The following LHPP variants were observed in gnomAD, a reference collection of about 807,000 sequenced individuals.
LHPP encodes phospholysine phosphohistidine inorganic pyrophosphate phosphatase, also known as hLHPP.
LHPP carries 24 observed loss-of-function variants against 30.3 expected under a neutral mutation model. The ratio of observed to expected loss-of-function variants is 0.79; its 90% confidence interval spans 0.57 to 1.11. LHPP has a LOEUF of 1.11. Among genes scored for constraint, LHPP ranks in the 50% most tolerant of loss-of-function variants. The probability of loss-of-function intolerance (pLI) is 0.00; values close to 1 mark genes in which losing one functional copy is unlikely to be tolerated. For synonymous variants in LHPP, 150 were observed against 157.1 expected (o/e 0.95, Z 0.34); for missense variants, 356 against 367.2 (o/e 0.97, Z 0.25).
intron 6 of LHPP, among the ~76,000 whole-genome samples, chr10:124,537,568 C>A (rs1034152053): frequency 6.6e-6 from 1 of 152,246 alleles, no homozygotes; most frequent in African/African-American, 2.4e-5. Flanking sequence ...CAAAGCCCTT[C>A]CCCAGTCCCA....
At chr10:124,530,104 G>T (rs1954855628) in intron 6 of LHPP, among the ~76,000 whole-genome samples, 1 of 152,150 alleles carries the variant, frequency 6.6e-6, no homozygotes, top group Non-Finnish European at 1.5e-5. Context: ...GGAGGAACCT[G>T]GTGAAGCCAG....
At chr10:124,520,929 T>C (rs1386360393) in intron 6 of LHPP, among the ~76,000 whole-genome samples, 1 of 152,248 alleles carries the variant, frequency 6.6e-6, no homozygotes, top group Non-Finnish European at 1.5e-5. Flanking sequence ...GGCTGCATGT[T>C]GAAATGCTGA....
intron 5 of LHPP, among the ~76,000 whole-genome samples, chr10:124,500,635 G>A (rs1388342487): frequency 6.6e-6 from 1 of 151,428 alleles, no homozygotes; most frequent in Non-Finnish European, 1.5e-5. Context: ...TGGCCAACAG[G>A]CATACAAAAA....
chr10:124,593,703 G>A lies in LHPP; in HGVS notation c.717-19561G>A, dbSNP rs1176048352. On this transcript the variant is annotated intron_variant, in intron 6 of 6. Coordinates refer to ENST00000368842, the MANE Select transcript of LHPP (RefSeq NM_022126.4). The surrounding 1 kb of genome is among the most constrained non-coding windows in gnomAD (Gnocchi z 4.9). ...CGACGTCCCCAGTGGCGGTGGCTGA[G>A]GAGAGGGGTTGGGGCGAGGACCAGC... is the stretch of plus-strand genomic sequence containing the variant. Among the ~76,000 whole-genome samples the A allele has an allele frequency of 6.6e-6, 1 of 152,256 alleles. No individual in the cohort carries two copies. The highest frequency in any genetic ancestry group is 1.5e-5 in the Non-Finnish European group (1 of 68,040).
chr10:124,542,707 A>G (rs1450848194), intron 6 of LHPP, among the ~76,000 whole-genome samples: 1 of 152,040 alleles, frequency 6.6e-6, no homozygotes, highest in Non-Finnish European at 1.5e-5. Context: ...TTTTCCCAGA[A>G]GCCCACCTCT....
At chr10:124,476,833 T>C (rs1389628716) in intron 1 of LHPP, among the ~76,000 whole-genome samples, 2 of 152,194 alleles carry the variant, frequency 1.3e-5, no homozygotes, top group East Asian at 3.9e-4. Context: ...GTGTTCAATC[T>C]CCATTGCTTT....
rs1554877242 is a variant in LHPP at position 124,470,681 on chromosome 10, C to CAACAATAATAAT, written c.125+8696_125+8697insCAATAATAATAA. Among the ~76,000 whole-genome samples, 163 of 150,884 alleles carry CAACAATAATAAT rather than the reference C, an allele frequency of 1.1e-3. 1 individual carries two copies. The highest frequency in any genetic ancestry group is 6.8e-3 in the Middle Eastern group (2 of 294). The stretch of plus-strand genomic sequence containing the variant: ...ACAACAACAACAACAACAACAACAA[C>CAACAATAATAAT]AATAATAATAATGTAGGCTGTGGGC... On this transcript the variant is annotated intron_variant, in intron 1 of 6. Coordinates refer to ENST00000368842, the MANE Select transcript of LHPP (RefSeq NM_022126.4).
At chr10:124,532,086 C>G (rs1954914339) in intron 6 of LHPP, among the ~76,000 whole-genome samples, 1 of 152,394 alleles carries the variant, frequency 6.6e-6, no homozygotes, top group Non-Finnish European at 1.5e-5. Flanking sequence ...GACGCAGGCA[C>G]TGGCAGCCCC....
chr10:124,558,040 C>T (rs538486262), intron 6 of LHPP, among the ~76,000 whole-genome samples: 1 of 152,246 alleles, frequency 6.6e-6, no homozygotes, highest in African/African-American at 2.4e-5. Flanking sequence ...CTCTGGCTTT[C>T]CTGTCCATCT....
intron 5 of LHPP, among the ~76,000 whole-genome samples, chr10:124,515,804 TA>T (rs1954436702): frequency 6.6e-6 from 1 of 152,226 alleles, no homozygotes; most frequent in Non-Finnish European, 1.5e-5. Flanking sequence ...GGTGGGGACA[TA>T]ACGCAGTCCT....
intron 6 of LHPP, among the ~76,000 whole-genome samples, chr10:124,519,492 G>T (rs1481677351): frequency 6.6e-6 from 1 of 152,130 alleles, no homozygotes; most frequent in African/African-American, 2.4e-5. Context: ...TTGGTTACAT[G>T]CATAAGTTCT....
intron 6 of LHPP, among the ~76,000 whole-genome samples, chr10:124,553,285 T>G (rs1948213346): frequency 6.6e-6 from 1 of 152,144 alleles, no homozygotes; most frequent in African/African-American, 2.4e-5. Flanking sequence ...ATCCATATGC[T>G]GAGCTGGGAC....
intron 6 of LHPP, among the ~76,000 whole-genome samples, chr10:124,595,823 A>T (rs1389740779): frequency 6.6e-6 from 1 of 152,230 alleles, no homozygotes; most frequent in Admixed American, 6.5e-5. Context: ...CTGAGGCTTA[A>T]CTTGCATATA....
intron 6 of LHPP, among the ~76,000 whole-genome samples, chr10:124,550,271 C>T (rs68168425): frequency 3.3e-5 from 5 of 152,282 alleles, no homozygotes; most frequent in Admixed American, 6.5e-5. Flanking sequence ...CAGGCAGCTG[C>T]GGGGCAGGGG....
At chr10:124,529,055 A>C (rs1443545151) in intron 6 of LHPP, among the ~76,000 whole-genome samples, 5 of 120,206 alleles carry the variant, frequency 4.2e-5, no homozygotes, top group Non-Finnish European at 8.2e-5. Context: ...TTTTTGAGAC[A>C]GAGTCTTGCT....
chr10:124,613,502 C>T lies in LHPP; in HGVS notation c.*142C>T. ...CTCTCCTCCACCCCTGCCTCCCCTC[C>T]ACCTGCCCCAGTGCCCAGACCAACC... is the stretch of plus-strand genomic sequence containing the variant. On this transcript the variant is annotated 3_prime_UTR_variant, in exon 7 of 7. Transcript: ENST00000368842. 2 of 662,326 alleles carry T rather than the reference C, an allele frequency of 3.0e-6. No individual in the cohort carries two copies. Among genetic ancestry groups the T allele is most frequent in the South Asian group, 1.7e-5 (1 of 57,546 alleles). 41.0% of individuals were successfully genotyped at this position (662,326 alleles called of 1,614,324 possible).
At chr10:124,583,736 T>G (rs977146625) in intron 6 of LHPP, among the ~76,000 whole-genome samples, 1 of 152,154 alleles carries the variant, frequency 6.6e-6, no homozygotes, top group Non-Finnish European at 1.5e-5. Context: ...CACCAAGCCC[T>G]GAGAGATCTG....
chr10:124,513,411 T>G (rs1954360821), intron 5 of LHPP, among the ~76,000 whole-genome samples: 1 of 151,308 alleles, frequency 6.6e-6, no homozygotes, highest in South Asian at 2.1e-4. Context: ...GGTGGTGGTT[T>G]TTTTTTCTTT....
intron 6 of LHPP, among the ~76,000 whole-genome samples, chr10:124,554,269 T>C (rs1948247312): frequency 6.6e-6 from 1 of 152,232 alleles, no homozygotes; most frequent in Admixed American, 6.5e-5. Flanking sequence ...CACTGCAGCC[T>C]TGACCTTCTG....
Sources: allele counts gnomAD v4.1 joint callset (sites outside exome capture counted in the v4.1 genomes callset), GRCh38; gene constraint gnomAD v4.1.1; non-coding constraint Gnocchi (gnomAD v3.1); transcripts MANE v1.5; gene names NCBI Gene and HGNC (gene_info 2026-07-23, HGNC 2026-07-21).